RAD51B: variants seen among roughly 807,000 people sequenced by gnomAD.
RAD51B encodes the protein RAD51 paralog B.
RAD51B carries 38 observed loss-of-function variants against 42.2 expected under a neutral mutation model. That is an observed-to-expected ratio of 0.90 (90% CI 0.70 to 1.18). The LOEUF is 1.18. Ranked by LOEUF, RAD51B falls within the 50% of genes most tolerant of loss-of-function variation. The pLI, the probability that RAD51B is intolerant of heterozygous loss-of-function variation, is 0.00. For synonymous variants in RAD51B, 154 were observed against 145.2 expected, an observed-to-expected ratio of 1.06 and a Z score of -0.43; for missense variants, 373 against 400.7, an observed-to-expected ratio of 0.93 and a Z score of 0.59.
rs2077447030 is a variant in RAD51B at position 68,110,740 on chromosome 14, A to G, written c.757-181144A>G. Among the ~76,000 whole-genome samples, 3 of 152,150 alleles carry G rather than the reference A, an allele frequency of 2.0e-5. 1 individual carries two copies. Among genetic ancestry groups the G allele is most frequent in the Admixed American group, 2.0e-4 (3 of 15,252 alleles). On this transcript the variant is annotated intron_variant, in intron 7 of 10. Coordinates refer to ENST00000471583, the MANE Select transcript of RAD51B (RefSeq NM_133510.4). ...TAATACCCATTTTGGAGATAAGAGA[A>G]CTATACCTTAGCATTGGTAGAATTT...
intron 7 of RAD51B, among the ~76,000 whole-genome samples, chr14:68,214,630 G>A (rs1231734699): frequency 1.3e-5 from 2 of 152,170 alleles, no homozygotes; most frequent in African/African-American, 4.8e-5. Flanking sequence ...AAGTGCTATG[G>A]TTCATCATGT....
intron 7 of RAD51B, among the ~76,000 whole-genome samples, chr14:68,237,642 G>T (rs1321412768): frequency 6.6e-6 from 1 of 151,382 alleles, no homozygotes; most frequent in Non-Finnish European, 1.5e-5. Flanking sequence ...CTATGGATTT[G>T]AGATTTTTTT....
intron 8 of RAD51B, among the ~76,000 whole-genome samples, chr14:68,362,860 TA>T (rs527800611): frequency 4.3e-4 from 63 of 145,594 alleles, no homozygotes; most frequent in African/African-American, 1.2e-3. Context: ...AAAAAAAAAT[TA>T]AAAAAAAAAA....
intron 8 of RAD51B, among the ~76,000 whole-genome samples, chr14:68,375,345 A>G (rs924791457): frequency 1.3e-5 from 2 of 151,972 alleles, no homozygotes; most frequent in Non-Finnish European, 2.9e-5. Flanking sequence ...ATTTTTCTTT[A>G]GAGATCCCAG....
At chr14:68,041,616 T>C (rs2076219253) in intron 7 of RAD51B, among the ~76,000 whole-genome samples, 1 of 152,208 alleles carries the variant, frequency 6.6e-6, no homozygotes, top group Middle Eastern at 3.4e-3. Context: ...GTCAAGTTCT[T>C]GCCCCTTCTA....
intron 8 of RAD51B, among the ~76,000 whole-genome samples, chr14:68,295,696 A>T (rs893134141): frequency 4.6e-5 from 7 of 152,126 alleles, no homozygotes; most frequent in African/African-American, 1.7e-4. Context: ...AGCAGAAGGG[A>T]CTTCATTTCC....
intron 4 of RAD51B, among the ~76,000 whole-genome samples, chr14:67,847,794 T>C (rs1391858799): frequency 6.6e-6 from 1 of 151,802 alleles, no homozygotes; most frequent in Non-Finnish European, 1.5e-5. Context: ...ATCTGTTAGG[T>C]TTAATTGGTC....
intron 7 of RAD51B, among the ~76,000 whole-genome samples, chr14:68,219,519 G>C (rs551767067): frequency 6.6e-6 from 1 of 152,086 alleles, no homozygotes; most frequent in South Asian, 2.1e-4. Context: ...ATCACAGGAC[G>C]CTTTGCAGAC....
At chr14:68,194,125 C>G (rs778827640) in intron 7 of RAD51B, among the ~76,000 whole-genome samples, 7 of 152,312 alleles carry the variant, frequency 4.6e-5, no homozygotes, top group Non-Finnish European at 1.0e-4. Flanking sequence ...AGGAACATTT[C>G]AACATCATAG....
chr14:67,999,415 A>G (rs1410475742), intron 7 of RAD51B, among the ~76,000 whole-genome samples: 3 of 152,206 alleles, frequency 2.0e-5, no homozygotes, highest in South Asian at 2.1e-4. Context: ...TTAAAACCCA[A>G]ATGGGATAGT....
chr14:68,108,964 T>C (rs192546356), intron 7 of RAD51B, among the ~76,000 whole-genome samples: 1 of 152,088 alleles, frequency 6.6e-6, no homozygotes, highest in Non-Finnish European at 1.5e-5. Context: ...TGCTTGTCTA[T>C]TGCCTTACTT....
intron 10 of RAD51B, among the ~76,000 whole-genome samples, chr14:68,649,873 T>C (rs1892665081): frequency 6.6e-6 from 1 of 152,142 alleles, no homozygotes; most frequent in Admixed American, 6.5e-5. Flanking sequence ...TATACAGGAG[T>C]AAGATGTAAT....
chr14:68,012,188 G>A (rs2075695353), intron 7 of RAD51B, among the ~76,000 whole-genome samples: 1 of 152,018 alleles, frequency 6.6e-6, no homozygotes, highest in African/African-American at 2.4e-5. Flanking sequence ...TACTTTTAGT[G>A]GATAATAATA....
chr14:67,977,415 T>C (rs1196093297), intron 7 of RAD51B, among the ~76,000 whole-genome samples: 2 of 152,232 alleles, frequency 1.3e-5, no homozygotes, highest in African/African-American at 2.4e-5. Context: ...AGATTAACTT[T>C]AAAAAGTTCC....
intron 7 of RAD51B, among the ~76,000 whole-genome samples, chr14:68,008,449 A>G (rs2075627556): frequency 6.6e-6 from 1 of 151,952 alleles, no homozygotes; most frequent in East Asian, 1.9e-4. Flanking sequence ...AGTGAAAATA[A>G]ACATTCCATC....
intron 8 of RAD51B, among the ~76,000 whole-genome samples, chr14:68,410,662 T>C (rs2140080262): frequency 6.6e-6 from 1 of 152,260 alleles, no homozygotes; most frequent in African/African-American, 2.4e-5. Context: ...CTGGCTTCTA[T>C]GCAGCAGGAC....
chr14:68,476,265 A>C (rs1196565442), intron 10 of RAD51B, among the ~76,000 whole-genome samples: 2 of 152,186 alleles, frequency 1.3e-5, no homozygotes, highest in Non-Finnish European at 2.9e-5. Context: ...GCTTGTGAAT[A>C]CTGACAAAAA....
intron 7 of RAD51B, among the ~76,000 whole-genome samples, chr14:67,959,358 T>C (rs2074613187): frequency 6.6e-6 from 1 of 152,088 alleles, no homozygotes; most frequent in South Asian, 2.1e-4. Context: ...ACCATTCTCC[T>C]GCCTCAGCCT....
intron 7 of RAD51B, among the ~76,000 whole-genome samples, chr14:68,250,447 T>C (rs1446727889): frequency 6.6e-6 from 1 of 152,246 alleles, no homozygotes; most frequent in Non-Finnish European, 1.5e-5. Flanking sequence ...GCCTGAGATA[T>C]CAAGCTATAC....
Sources: gnomAD v4.1 joint callset for allele counts (sites outside exome capture counted in the v4.1 genomes callset) on GRCh38, gnomAD v4.1.1 for gene constraint, MANE v1.5 for transcripts, NCBI Gene and HGNC (gene_info 2026-07-23, HGNC 2026-07-21) for gene names.